The following PKHD1 variants were observed in gnomAD, a reference collection of about 807,000 sequenced individuals.
PKHD1 encodes PKHD1 ciliary IPT domain containing fibrocystin/polyductin.
Under a neutral mutation model 412.0 loss-of-function variants are expected in PKHD1, and 291 were observed. The observed-to-expected ratio is 0.71, with a 90% confidence interval of 0.64 to 0.78. PKHD1 has a LOEUF of 0.78. Ranked by LOEUF, PKHD1 falls within the 30% of genes least tolerant of loss-of-function variation. PKHD1 has a pLI of 0.00. For synonymous variants in PKHD1, 1,777 were observed against 1,821.5 expected (o/e 0.98, Z 0.62); for missense variants, 4,825 against 4,950.7 (o/e 0.97, Z 0.76).
chr6:51,865,231 G>A (rs1016659837), intron 48 of PKHD1, among the ~76,000 whole-genome samples: 4 of 152,138 alleles, frequency 2.6e-5, no homozygotes, highest in Non-Finnish European at 5.9e-5. Flanking sequence ...CAGCACTCAC[G>A]CAGATCAAGC....
chr6:51,970,367 T>C (rs1023274305), intron 35 of PKHD1, among the ~76,000 whole-genome samples: 1 of 152,232 alleles, frequency 6.6e-6, no homozygotes, highest in East Asian at 1.9e-4. Flanking sequence ...GTTGTATCTG[T>C]AGTTTGCAAA....
At chr6:51,920,496 A>C (rs1218162460) in intron 37 of PKHD1, among the ~76,000 whole-genome samples, 2 of 152,092 alleles carry the variant, frequency 1.3e-5, no homozygotes, top group Non-Finnish European at 2.9e-5. Flanking sequence ...TTGGTGGATA[A>C]GCTTTTTGAT....
chr6:51,667,787 A>G (rs9395702), intron 60 of PKHD1, among the ~76,000 whole-genome samples: 19,091 of 149,160 alleles, frequency 0.13, 1,206 homozygotes, highest in East Asian at 0.25. Flanking sequence ...TCCCAGCACC[A>G]TTTATTAAAT....
At chr6:52,055,002 T>C (rs1015290805) in intron 19 of PKHD1, among the ~76,000 whole-genome samples, 1 of 152,188 alleles carries the variant, frequency 6.6e-6, no homozygotes, top group Non-Finnish European at 1.5e-5. Context: ...CTGCACTTCT[T>C]TTACAAGGGT....
At chr6:51,800,838 C>T (rs1392986786) in intron 52 of PKHD1, among the ~76,000 whole-genome samples, 2 of 152,192 alleles carry the variant, frequency 1.3e-5, no homozygotes, top group Non-Finnish European at 2.9e-5. Context: ...CCTGTACTGA[C>T]TTTGGACACA....
chr6:51,762,023 A>G (rs548480035), intron 55 of PKHD1, among the ~76,000 whole-genome samples: 1 of 152,058 alleles, frequency 6.6e-6, no homozygotes, highest in African/African-American at 2.4e-5. Context: ...TTCTGTCTTC[A>G]ACATATATTT....
intron 53 of PKHD1, among the ~76,000 whole-genome samples, chr6:51,783,676 A>C (rs1792404192): frequency 6.6e-6 from 1 of 152,076 alleles, no homozygotes; most frequent in Non-Finnish European, 1.5e-5. Context: ...ATTCATGGGC[A>C]AAGCTTTTAT....
rs974735770 is a variant in PKHD1, at chr6:51,721,653, T to C, written c.10156+22732A>G. ...CTTAAGCAACCATCCTCTTCTTTCC[T>C]ACTCCCCCATATCTGCTACTGGAAC... is the stretch of plus-strand genomic sequence containing the variant. On this transcript the variant is annotated intron_variant, in intron 60 of 66. Transcript: ENST00000371117. 1.5e-5 allele frequency: 18 copies of C among 1,171,980 alleles called. No homozygotes were observed. In the African/African-American group the frequency reaches 2.5e-4, roughly 17 times the overall value. 72.6% of individuals were successfully genotyped at this position (1,171,980 alleles called of 1,614,324 possible).
chr6:52,021,328 G>A (rs895179030), intron 33 of PKHD1, among the ~76,000 whole-genome samples: 1 of 152,160 alleles, frequency 6.6e-6, no homozygotes, highest in Non-Finnish European at 1.5e-5. Context: ...ACCTGATCCT[G>A]AAACATCATT....
At chr6:51,848,075 T>C in intron 49 of PKHD1, 105 bp from the exon 50 acceptor site, 2 of 770,900 alleles carry the variant, frequency 2.6e-6, no homozygotes, top group Non-Finnish European at 4.6e-6. Context: ...AGAACGCAGA[T>C]GGAGTAGTTT....
chr6:51,710,228 T>A (rs1780501481), intron 60 of PKHD1, among the ~76,000 whole-genome samples: 1 of 152,058 alleles, frequency 6.6e-6, no homozygotes, highest in South Asian at 2.1e-4. Context: ...AAAAATTATT[T>A]TCAGATATAG....
chr6:52,083,253 G>T lies in PKHD1; in HGVS notation c.55C>A (p.Arg19Ser). The T allele has an allele frequency of 6.3e-7, 1 of 1,594,778 alleles. No individual in the cohort carries two copies. The highest frequency in any genetic ancestry group is 8.6e-7 in the Non-Finnish European group (1 of 1,162,374). ...MSIEVLLLAV[R>S]HLSLHIEPEE... ...GGTTCAATATGTAAACTCAGGTGAC[G>T]TACTGTAAGTAAGTGAAAAAAAACA... The change falls in exon 3 of 67, where the codon CGT becomes AGT. Residue 19 changes from arginine (R) to serine (S), a missense_variant and splice_region_variant. Arg to Ser is a moderately radical substitution (Grantham distance 110). Coordinates refer to ENST00000371117, the MANE Select transcript of PKHD1 (RefSeq NM_138694.4).
chr6:51,792,959 T>A (rs1793995653), intron 52 of PKHD1, among the ~76,000 whole-genome samples: 1 of 152,226 alleles, frequency 6.6e-6, no homozygotes, highest in African/African-American at 2.4e-5. Flanking sequence ...TGGTCCTCAG[T>A]GTGATTATGA....
intron 64 of PKHD1, among the ~76,000 whole-genome samples, chr6:51,636,113 G>A (rs1768536798): frequency 6.6e-6 from 1 of 152,172 alleles, no homozygotes; most frequent in Non-Finnish European, 1.5e-5. Flanking sequence ...AGCTGGATTT[G>A]ATAATATGTC....
chr6:51,653,439 C>A (rs1771293371), intron 61 of PKHD1, among the ~76,000 whole-genome samples: 1 of 152,020 alleles, frequency 6.6e-6, no homozygotes, highest in African/African-American at 2.4e-5. Flanking sequence ...GTAACACTTG[C>A]CAAATCAGTA....
intron 35 of PKHD1, among the ~76,000 whole-genome samples, chr6:51,988,107 T>G (rs1796429815): frequency 6.6e-6 from 1 of 152,224 alleles, no homozygotes; most frequent in African/African-American, 2.4e-5. Flanking sequence ...AAGATAGATT[T>G]CTTAAGATTT....
At chr6:51,731,080 C>T (rs1783182121) in intron 60 of PKHD1, among the ~76,000 whole-genome samples, 1 of 152,254 alleles carries the variant, frequency 6.6e-6, no homozygotes, top group East Asian at 1.9e-4. Context: ...ACCACCACAC[C>T]TGGCTAATAC....
chr6:51,940,528 T>C (rs1168909413), intron 36 of PKHD1, among the ~76,000 whole-genome samples: 2 of 151,754 alleles, frequency 1.3e-5, no homozygotes, highest in African/African-American at 4.8e-5. Flanking sequence ...ATGCCCCATC[T>C]GTGTGGGACC....
At chr6:51,895,175 C>A (rs2127583770) in intron 43 of PKHD1, among the ~76,000 whole-genome samples, 1 of 152,348 alleles carries the variant, frequency 6.6e-6, no homozygotes, top group African/African-American at 2.4e-5. Context: ...CTAACTCAGC[C>A]AAGAATGGTG....
Sources: gnomAD v4.1 joint callset for allele counts (sites outside exome capture counted in the v4.1 genomes callset) on GRCh38, gnomAD v4.1.1 for gene constraint, MANE v1.5 for transcripts, NCBI Gene and HGNC (gene_info 2026-07-23, HGNC 2026-07-21) for gene names.